The following PCDH11X variants were observed in gnomAD, a reference collection of about 807,000 sequenced individuals.
PCDH11X encodes the protein protocadherin 11 X-linked.
Under a neutral mutation model 53.3 loss-of-function variants are expected in PCDH11X, and 18 were observed. The observed-to-expected ratio is 0.34, with a 90% CI of 0.23 to 0.50. The LOEUF is 0.50. Among genes scored for constraint, PCDH11X ranks in the 20% least tolerant of loss-of-function variants. The pLI, the probability that PCDH11X is intolerant of heterozygous loss-of-function variation, is 0.98. For missense variants in PCDH11X, 570 were observed against 1,032.4 expected (o/e 0.55, Z 6.14); for synonymous variants, 279 against 393.3 (o/e 0.71, Z 3.44).
intron 1 of PCDH11X, among the ~76,000 whole-genome samples, chrX:91,807,781 T>G (rs2147554173): frequency 9.0e-6 from 1 of 111,301 alleles, no homozygotes; most frequent in Admixed American, 9.6e-5. Flanking sequence ...CAATTAAAAA[T>G]TTTTTATGAT....
At chrX:92,244,170 A>T (rs2067308393) in intron 7 of PCDH11X, among the ~76,000 whole-genome samples, 1 of 110,243 alleles carries the variant, frequency 9.1e-6, no homozygotes, top group African/African-American at 3.3e-5. Flanking sequence ...ATTAAGGGGC[A>T]TGCATTAAGT....
intron 10 of PCDH11X, among the ~76,000 whole-genome samples, chrX:92,506,682 A>G (rs1423846496): frequency 1.1e-5 from 1 of 94,733 alleles, no homozygotes; most frequent in African/African-American, 4.0e-5. Flanking sequence ...TTCATCAATT[A>G]TACTTGCCTG....
Position 91,835,923 on chromosome X carries a change from C to A in PCDH11X, c.419C>A (p.Pro140Gln). Reference protein sequence around the residue: ...EDINDNAPLFPATVINISIPE... With the variant: ...EDINDNAPLFQATVINISIPE... ...ATAAATGATAATGCACCATTGTTCC[C>A]AGCAACAGTTATCAACATATCAATT... The change falls in exon 5 of 11, where the codon CCA becomes CAA. Residue 140 changes from proline (P) to glutamine (Q), a missense_variant. By Grantham distance (76) the Pro-to-Gln change is moderately conservative. This residue lies in a region of PCDH11X where 84 missense variants were observed against 142.0 expected (regional missense o/e 0.59). Transcript: ENST00000682573. 2.5e-6 allele frequency: 3 copies of A among 1,208,946 alleles called. No homozygotes were observed. In the Admixed American group the frequency reaches 6.6e-5, roughly 26 times the overall value.
At chrX:92,419,772 C>T (rs1190901389) in intron 9 of PCDH11X, among the ~76,000 whole-genome samples, 2 of 99,246 alleles carry the variant, frequency 2.0e-5, no homozygotes, top group African/African-American at 7.3e-5. Context: ...CTCTGCCTCC[C>T]AGGTTCAAGC....
chrX:92,076,195 C>G (rs1420772072), intron 6 of PCDH11X, among the ~76,000 whole-genome samples: 1 of 107,561 alleles, frequency 9.3e-6, no homozygotes, highest in Non-Finnish European at 1.9e-5. Context: ...GCCGCTAGCC[C>G]AAACATTCTT....
chrX:92,257,765 T>G (rs967949636), intron 7 of PCDH11X, among the ~76,000 whole-genome samples: 2 of 112,721 alleles, frequency 1.8e-5, no homozygotes, highest in African/African-American at 3.2e-5. Flanking sequence ...TGGGCGGATC[T>G]GCCCCTGTGG....
chrX:92,457,878 A>G (rs1470855437), intron 9 of PCDH11X, among the ~76,000 whole-genome samples: 2 of 106,447 alleles, frequency 1.9e-5, no homozygotes, highest in African/African-American at 6.8e-5. Context: ...ATGCTTTCAT[A>G]TACAAAAACA....
At chrX:91,872,546 C>T (rs1939382368) in intron 5 of PCDH11X, among the ~76,000 whole-genome samples, 1 of 110,704 alleles carries the variant, frequency 9.0e-6, no homozygotes, top group Non-Finnish European at 1.9e-5. Flanking sequence ...AGCTTCATGC[C>T]ATATTACCCT....
At chrX:92,099,018 T>TA (rs2064192595) in intron 6 of PCDH11X, among the ~76,000 whole-genome samples, 1 of 112,088 alleles carries the variant, frequency 8.9e-6, no homozygotes, top group South Asian at 3.7e-4. Flanking sequence ...GGTAATGACA[T>TA]GCCATACTGG....
chrX:92,480,639 A>G lies in PCDH11X; in HGVS notation c.3367+12317A>G, dbSNP rs757816634. On this transcript the variant is annotated intron_variant, in intron 10 of 10. Coordinates refer to ENST00000682573, the MANE Select transcript of PCDH11X (RefSeq NM_032968.5). ...GGCCAAGTCTCTGCTCCCAACTTCTATACTACGTGCTGTAACTCTGGGAGA... is the reference window on the plus strand; with the variant it reads ...GGCCAAGTCTCTGCTCCCAACTTCTGTACTACGTGCTGTAACTCTGGGAGA... Among the ~76,000 whole-genome samples the G allele has an allele frequency of 5.1e-3, 565 of 110,455 alleles. 4 individuals are homozygous for G. The highest frequency in any genetic ancestry group is 0.017 in the African/African-American group (515 of 30,262).
At chrX:92,409,073 G>C (rs1408502604) in intron 9 of PCDH11X, among the ~76,000 whole-genome samples, 2 of 103,387 alleles carry the variant, frequency 1.9e-5, no homozygotes, top group Admixed American at 1.0e-4. Context: ...AGAGGAGGTG[G>C]TGGACAAGCC....
intron 8 of PCDH11X, among the ~76,000 whole-genome samples, chrX:92,340,553 C>T (rs1315786081): frequency 8.9e-6 from 1 of 112,123 alleles, no homozygotes; most frequent in Non-Finnish European, 1.9e-5. Context: ...ATGGAAGCCA[C>T]CAAGGCTATG....
chrX:92,591,455 C>A (rs1925025078), intron 10 of PCDH11X, among the ~76,000 whole-genome samples: 2 of 110,227 alleles, frequency 1.8e-5, no homozygotes, highest in South Asian at 7.8e-4. Context: ...TCTTTCTATG[C>A]CATTCTGTCA....
chrX:92,016,865 G>A (rs1193122983), intron 6 of PCDH11X, among the ~76,000 whole-genome samples: 1 of 109,949 alleles, frequency 9.1e-6, no homozygotes, highest in Non-Finnish European at 1.9e-5. Flanking sequence ...CTAGTTTTCT[G>A]CCTATCTTGG....
rs774249217 is a variant in PCDH11X at position 92,263,749 on chromosome X, A to G, written c.3144+606A>G. On this transcript the variant is annotated intron_variant, in intron 8 of 10. Coordinates refer to ENST00000682573, the MANE Select transcript of PCDH11X (RefSeq NM_032968.5). ...ATTTGCACCAACCTAATGTATATGA[A>G]CAGTCCAGACTTCTAGAAAAATTTG... is the stretch of plus-strand genomic sequence containing the variant. Among the ~76,000 whole-genome samples, 13 of 112,487 alleles carry G rather than the reference A, an allele frequency of 1.2e-4. No homozygotes were observed. The East Asian group carries it at 3.3e-3, about 29-fold the overall frequency.
At chrX:92,555,036 C>G (rs1438640749) in intron 10 of PCDH11X, among the ~76,000 whole-genome samples, 2 of 111,738 alleles carry the variant, frequency 1.8e-5, no homozygotes, top group Non-Finnish European at 3.8e-5. Context: ...GCCTGAGTAG[C>G]AGGGTTTCGC....
chrX:92,615,675 G>T (rs1324278231), intron 10 of PCDH11X, among the ~76,000 whole-genome samples: 1 of 111,173 alleles, frequency 9.0e-6, no homozygotes, highest in East Asian at 2.9e-4. Flanking sequence ...GGCTGATTTT[G>T]TATGTGCCTG....
At chrX:91,809,317 C>T (rs915452809) in intron 1 of PCDH11X, among the ~76,000 whole-genome samples, 149 bp from the exon 2 acceptor site, 46 of 110,630 alleles carry the variant, frequency 4.2e-4, no homozygotes, top group Middle Eastern at 4.7e-3. Context: ...TTCTTAATTC[C>T]GTTACCTCAA....
intron 6 of PCDH11X, among the ~76,000 whole-genome samples, chrX:92,166,988 C>T (rs748820508): frequency 9.1e-6 from 1 of 109,936 alleles, no homozygotes; most frequent in South Asian, 4.0e-4. Context: ...CTGATGATTC[C>T]ATCCTTTATC....
Sources: gnomAD v4.1 joint callset for allele counts (sites outside exome capture counted in the v4.1 genomes callset) on GRCh38, gnomAD v4.1.1 for gene constraint, gnomAD v4.1.1 regional missense constraint, MANE v1.5 for transcripts, NCBI Gene and HGNC (gene_info 2026-07-23, HGNC 2026-07-21) for gene names.